Variants in ST8SIA6 observed in about 807,000 individuals in gnomAD.
The protein encoded by ST8SIA6 is alpha-2,8-sialyltransferase 8F.
In ST8SIA6, 39 loss-of-function variants were observed where a neutral mutation model predicts 33.6. That is an observed-to-expected ratio of 1.16 (90% CI 0.90 to 1.52). The LOEUF is 1.52. Among genes scored for constraint, ST8SIA6 ranks in the 40% most tolerant of loss-of-function variants. ST8SIA6 has a pLI of 0.00. For missense variants in ST8SIA6, 441 were observed against 443.8 expected, an observed-to-expected ratio of 0.99 and a Z score of 0.06; for synonymous variants, 172 against 167.2, an observed-to-expected ratio of 1.03 and a Z score of -0.22.
rs550891611 is a variant in ST8SIA6, at chr10:17,331,017, G to A, written c.522+391C>T. On this transcript the variant is annotated intron_variant, in intron 5 of 7. Coordinates refer to ENST00000377602, the MANE Select transcript of ST8SIA6 (RefSeq NM_001004470.3). ...TCTTACATATTTACTTCCCAAAGATGAGCCACATAAACGCACCGTTCCTTG... is the reference window on the plus strand; with the variant it reads ...TCTTACATATTTACTTCCCAAAGATAAGCCACATAAACGCACCGTTCCTTG... Among the ~76,000 whole-genome samples the A allele has an allele frequency of 2.0e-4, 30 of 152,230 alleles. No homozygotes were observed. In the East Asian group the frequency reaches 5.6e-3, roughly 28 times the overall value.
At chr10:17,446,427 G>T (rs1328013431) in intron 2 of ST8SIA6, among the ~76,000 whole-genome samples, 1 of 152,138 alleles carries the variant, frequency 6.6e-6, no homozygotes, top group Non-Finnish European at 1.5e-5. Flanking sequence ...GATGTAAAAG[G>T]CTACTTAAAT....
chr10:17,380,980 A>G (rs1025420654), intron 3 of ST8SIA6, among the ~76,000 whole-genome samples: 5 of 148,788 alleles, frequency 3.4e-5, no homozygotes, highest in Non-Finnish European at 7.4e-5. Flanking sequence ...TCATGTTTTG[A>G]GGGGTTTTTT....
chr10:17,334,636 T>C (rs576190099), intron 4 of ST8SIA6, among the ~76,000 whole-genome samples: 1 of 151,994 alleles, frequency 6.6e-6, no homozygotes, highest in African/African-American at 2.4e-5. Flanking sequence ...TAATCATTTA[T>C]TATCAGACAA....
At chr10:17,364,696 C>A (rs578117833) in intron 3 of ST8SIA6, among the ~76,000 whole-genome samples, 1 of 152,280 alleles carries the variant, frequency 6.6e-6, no homozygotes, top group South Asian at 2.1e-4. Flanking sequence ...AACCAAAAAT[C>A]ATTTGAGGAG....
intron 2 of ST8SIA6, among the ~76,000 whole-genome samples, chr10:17,392,213 G>A (rs1019352271): frequency 3.9e-5 from 6 of 152,286 alleles, no homozygotes; most frequent in African/African-American, 1.4e-4. Flanking sequence ...ATTATGAACC[G>A]TGATTGGTTA....
chr10:17,418,637 A>G (rs997212938), intron 2 of ST8SIA6, among the ~76,000 whole-genome samples: 1 of 152,218 alleles, frequency 6.6e-6, no homozygotes, highest in Non-Finnish European at 1.5e-5. Flanking sequence ...GCAAGAAATG[A>G]GGTTAGCCAG....
At chr10:17,408,940 C>CT (rs112533742) in intron 2 of ST8SIA6, among the ~76,000 whole-genome samples, 11,426 of 138,266 alleles carry the variant, frequency 0.083, 1,142 homozygotes, top group African/African-American at 0.25. Context: ...TTCTTTCTTT[C>CT]TTTTTTTTTT....
intron 2 of ST8SIA6, among the ~76,000 whole-genome samples, chr10:17,405,792 G>A (rs762450708): frequency 6.7e-6 from 1 of 149,250 alleles, no homozygotes; most frequent in Admixed American, 6.8e-5. Flanking sequence ...TGAGGCAGGA[G>A]AATTACTTGA....
intron 4 of ST8SIA6, among the ~76,000 whole-genome samples, chr10:17,339,218 G>T (rs776902878): frequency 6.6e-5 from 10 of 151,506 alleles, no homozygotes; most frequent in Non-Finnish European, 1.5e-4. Context: ...AGTTCTAAAT[G>T]CAGTGCTTCC....
chr10:17,425,440 G>A (rs1246781118), intron 2 of ST8SIA6, among the ~76,000 whole-genome samples: 2 of 151,994 alleles, frequency 1.3e-5, no homozygotes, highest in African/African-American at 2.4e-5. Context: ...ATGGTGGTGC[G>A]CCTGTAATCC....
At chr10:17,442,159 A>T (rs1029901005) in intron 2 of ST8SIA6, among the ~76,000 whole-genome samples, 1 of 152,200 alleles carries the variant, frequency 6.6e-6, no homozygotes, top group African/African-American at 2.4e-5. Context: ...GGGCCACTGC[A>T]CTCGGCCAAA....
intron 4 of ST8SIA6, among the ~76,000 whole-genome samples, chr10:17,342,237 G>T (rs776364721): frequency 2.0e-5 from 3 of 152,204 alleles, no homozygotes; most frequent in African/African-American, 4.8e-5. Flanking sequence ...ATAAAACATG[G>T]ATGGGGCTTG....
intron 5 of ST8SIA6, among the ~76,000 whole-genome samples, chr10:17,327,878 G>A (rs969465086): frequency 6.6e-6 from 1 of 152,170 alleles, no homozygotes; most frequent in African/African-American, 2.4e-5. Flanking sequence ...CTGCCCTCCA[G>A]CCTGGGCGAC....
intron 4 of ST8SIA6, among the ~76,000 whole-genome samples, chr10:17,342,583 T>G (rs755249007): frequency 1.1e-4 from 16 of 152,092 alleles, no homozygotes; most frequent in Non-Finnish European, 1.5e-4. Flanking sequence ...AATTAAAGAT[T>G]AAAAGGGCCT....
rs118074453 is a variant in ST8SIA6, at chr10:17,415,146, T to G, written c.201-24526A>C. ...CACTTCTCTAACAAATTATCTAAAA[T>G]TACTGCTTCCCCTTCCTCAACAATC... On this transcript the variant is annotated intron_variant, in intron 2 of 7. Transcript: ENST00000377602. Among the ~76,000 whole-genome samples the G allele has an allele frequency of 5.2e-3, 789 of 152,258 alleles. 3 individuals carry two copies. Among genetic ancestry groups the G allele is most frequent in the Admixed American group, 0.013 (196 of 15,290 alleles).
chr10:17,365,259 T>A lies in ST8SIA6; in HGVS notation c.291-5659A>T, dbSNP rs1849521429. 2.0e-5 allele frequency among the ~76,000 whole-genome samples: 3 copies of A among 152,182 alleles called. 1 individual carries two copies. Among genetic ancestry groups the A allele is most frequent in the Admixed American group, 2.0e-4 (3 of 15,278 alleles). ...AATTTTAAACATTTTTCTAGAAACGTCTCTTTGAAGATGAAGACCCACATG... is the reference window on the plus strand; with the variant it reads ...AATTTTAAACATTTTTCTAGAAACGACTCTTTGAAGATGAAGACCCACATG... On this transcript the variant is annotated intron_variant, in intron 3 of 7. Coordinates refer to ENST00000377602, the MANE Select transcript of ST8SIA6 (RefSeq NM_001004470.3).
chr10:17,380,923 G>C (rs1292832275), intron 3 of ST8SIA6, among the ~76,000 whole-genome samples: 1 of 147,896 alleles, frequency 6.8e-6, no homozygotes, highest in South Asian at 2.1e-4. Flanking sequence ...TTGTGCGTGT[G>C]TGTGTGTGTT....
chr10:17,399,603 A>C (rs528646475), intron 2 of ST8SIA6, among the ~76,000 whole-genome samples: 1 of 152,084 alleles, frequency 6.6e-6, no homozygotes, highest in South Asian at 2.1e-4. Context: ...CTCCTACCAT[A>C]GTTGCAAGAT....
chr10:17,320,684 T>G lies in ST8SIA6; in HGVS notation c.*194A>C. 1.7e-6 allele frequency: 1 copy of G among 599,900 alleles called. No individual in the cohort carries two copies. Among genetic ancestry groups the G allele is most frequent in the Non-Finnish European group, 2.9e-6 (1 of 340,148 alleles). 37.2% of individuals were successfully genotyped at this position (599,900 alleles called of 1,614,324 possible). ...TATGAGTCAGATATGGTGTCCATGT[T>G]ATAAGGAGAAAAAATGAAGATGAGA... On this transcript the variant is annotated 3_prime_UTR_variant, in exon 8 of 8. Coordinates refer to ENST00000377602, the MANE Select transcript of ST8SIA6 (RefSeq NM_001004470.3).
Sources: allele counts gnomAD v4.1 joint callset (sites outside exome capture counted in the v4.1 genomes callset), GRCh38; gene constraint gnomAD v4.1.1; transcripts MANE v1.5; gene names NCBI Gene and HGNC (gene_info 2026-07-23, HGNC 2026-07-21).